Variants in ADRA1B observed in about 807,000 individuals in gnomAD.
ADRA1B encodes the protein adrenoceptor alpha 1B.
Under a neutral mutation model 17.9 loss-of-function variants are expected in ADRA1B, and 17 were observed. The ratio of observed to expected loss-of-function variants is 0.95; its 90% CI spans 0.65 to 1.42. The LOEUF is 1.42. ADRA1B is among the 40% of genes most tolerant of loss of function. The pLI is 0.00. For synonymous variants in ADRA1B, 366 were observed against 327.6 expected (o/e 1.12, Z -1.27); for missense variants, 681 against 722.1 (o/e 0.94, Z 0.65).
At chr5:159,932,536 C>G (rs1347775835) in intron 1 of ADRA1B, among the ~76,000 whole-genome samples, 1 of 152,146 alleles carries the variant, frequency 6.6e-6, no homozygotes, top group South Asian at 2.1e-4. Flanking sequence ...GTTATGTAAA[C>G]AAGCCATTTA....
chr5:159,917,416 G>T lies in ADRA1B; in HGVS notation c.511G>T (p.Val171Phe). The change falls in exon 1 of 2, where the codon GTC becomes TTC. Residue 171 changes from valine to phenylalanine, a missense_variant. This residue lies in a region of ADRA1B where 424 missense variants were observed against 480.2 expected (regional missense o/e 0.88). Transcript: ENST00000306675. The part of the protein sequence containing the change: ...KAILALLSVW[V>F]LSTVISIGPL... ...CATCTTGGCGCTGCTCAGTGTCTGGGTCTTGTCCACCGTCATCTCCATCGG... is the reference window on the plus strand; with the variant it reads ...CATCTTGGCGCTGCTCAGTGTCTGGTTCTTGTCCACCGTCATCTCCATCGG... The T allele has an allele frequency of 6.2e-7, 1 of 1,614,132 alleles. No homozygotes were observed. The highest frequency in any genetic ancestry group is 8.5e-7 in the Non-Finnish European group (1 of 1,180,040).
At chr5:159,898,731 C>T (rs2113115439) in intron 1 of ADRA1B, among the ~76,000 whole-genome samples, 1 of 152,244 alleles carries the variant, frequency 6.6e-6, no homozygotes, top group East Asian at 1.9e-4. Flanking sequence ...ATGTTGATAT[C>T]AATGAATAGA....
chr5:159,931,571 T>C (rs1754807252), intron 1 of ADRA1B, among the ~76,000 whole-genome samples: 1 of 152,068 alleles, frequency 6.6e-6, no homozygotes, highest in Admixed American at 6.6e-5. Context: ...CAGCAAAATA[T>C]AAAAAAGAAA....
intron 1 of ADRA1B, among the ~76,000 whole-genome samples, chr5:159,942,221 C>T (rs1322981583): frequency 6.6e-6 from 1 of 151,858 alleles, no homozygotes; most frequent in African/African-American, 2.4e-5. Context: ...CATGGCCGGC[C>T]GGGTACTGGG....
At chr5:159,917,996 C>A in intron 1 of ADRA1B, 142 bp downstream of exon 1, 1 of 827,502 alleles carries the variant, frequency 1.2e-6, no homozygotes, top group Non-Finnish European at 1.9e-6. Flanking sequence ...GTTTGTTCTG[C>A]AAAGGGTTTG....
chr5:159,960,664 C>A (rs1430943240), intron 1 of ADRA1B, among the ~76,000 whole-genome samples: 1 of 145,410 alleles, frequency 6.9e-6, no homozygotes, highest in Non-Finnish European at 1.5e-5. Context: ...GGCAACATAG[C>A]AAGTTCAGAT....
intron 1 of ADRA1B, among the ~76,000 whole-genome samples, chr5:159,954,041 C>G (rs1274215152): frequency 6.6e-6 from 1 of 152,118 alleles, no homozygotes; most frequent in Non-Finnish European, 1.5e-5. Context: ...AGAAAAGTGA[C>G]AAAAGACATT....
chr5:159,951,916 G>A (rs924180026), intron 1 of ADRA1B, among the ~76,000 whole-genome samples: 5 of 152,154 alleles, frequency 3.3e-5, no homozygotes, highest in Non-Finnish European at 7.3e-5. Context: ...AAGGATTTGT[G>A]AGTTAGGCAT....
intron 1 of ADRA1B, among the ~76,000 whole-genome samples, chr5:159,910,860 C>T (rs1190075289): frequency 1.3e-5 from 2 of 152,148 alleles, no homozygotes; most frequent in African/African-American, 4.8e-5. Flanking sequence ...CTGTAAGGAA[C>T]CTATTGCCAT....
At chr5:159,912,844 T>C (rs1341095215), upstream of ADRA1B, among the ~76,000 whole-genome samples, 2 of 152,244 alleles carry the variant, frequency 1.3e-5, no homozygotes, top group Non-Finnish European at 2.9e-5. Context: ...CTCTGAAAGG[T>C]GCTTTAGCAT....
intron 1 of ADRA1B, among the ~76,000 whole-genome samples, chr5:159,900,286 A>G (rs578017658): frequency 1.3e-5 from 2 of 152,356 alleles, no homozygotes; most frequent in Non-Finnish European, 2.9e-5. Flanking sequence ...GATATTTTCA[A>G]TGGAACAACA....
chr5:159,879,029 G>A (rs577841413), intron 1 of ADRA1B, among the ~76,000 whole-genome samples: 33 of 152,166 alleles, frequency 2.2e-4, no homozygotes, highest in African/African-American at 7.7e-4. Context: ...GAGGCAGGTC[G>A]GGTCTGCTAC....
chr5:159,931,080 C>T (rs1010541806), intron 1 of ADRA1B, among the ~76,000 whole-genome samples: 1 of 148,610 alleles, frequency 6.7e-6, no homozygotes, highest in African/African-American at 2.5e-5. Context: ...TTACCAGCCC[C>T]GGAACACTTA....
At chr5:159,901,226 A>G (rs1210811574) in intron 1 of ADRA1B, among the ~76,000 whole-genome samples, 1 of 151,560 alleles carries the variant, frequency 6.6e-6, no homozygotes, top group African/African-American at 2.4e-5. Flanking sequence ...ACCCAGAGAA[A>G]TCTCATTTTC....
intron 1 of ADRA1B, among the ~76,000 whole-genome samples, chr5:159,960,595 C>G (rs1261811603): frequency 6.6e-6 from 1 of 152,076 alleles, no homozygotes; most frequent in Non-Finnish European, 1.5e-5. Context: ...GTTCCAACTA[C>G]TCAGGAGGCT....
At chr5:159,884,252 A>T (rs1031438139) in intron 1 of ADRA1B, among the ~76,000 whole-genome samples, 1 of 152,226 alleles carries the variant, frequency 6.6e-6, no homozygotes, top group Admixed American at 6.5e-5. Flanking sequence ...GGGTTGTGTT[A>T]TGGCTTGAAA....
chr5:159,942,045 C>T (rs1259618600), intron 1 of ADRA1B, among the ~76,000 whole-genome samples: 2 of 151,668 alleles, frequency 1.3e-5, no homozygotes, highest in African/African-American at 4.8e-5. Context: ...GCCTCAGCCT[C>T]CCGAGTAGTT....
At chr5:159,912,763 G>A (rs1019919), upstream of ADRA1B, among the ~76,000 whole-genome samples, 7 of 152,162 alleles carry the variant, frequency 4.6e-5, no homozygotes, top group African/African-American at 9.6e-5. Context: ...GAATTCCTCC[G>A]TTGCATTGTT....
Position 159,972,051 on chromosome 5 carries a change from ACGCCGCCGCCGCCGT to A in ADRA1B, c.1127_1141del (p.Arg376_Arg380del). The A allele has an allele frequency of 7.4e-7, 1 of 1,348,956 alleles. No homozygotes were observed. The highest frequency in any genetic ancestry group is 9.5e-7 in the Non-Finnish European group (1 of 1,050,460). The allele number at this position is 1,348,956 out of a possible 1,614,324, so 83.6% of individuals were successfully genotyped here. ...AGTGCCGCGGCCGCGGCCGCCGCCG[ACGCCGCCGCCGCCGT>A]CGCCTGGGCGGCTGCGCCTACACCT... On this transcript the variant is annotated inframe_deletion, in exon 2 of 2. Transcript: ENST00000306675.
Sources: gnomAD v4.1 joint callset for allele counts (sites outside exome capture counted in the v4.1 genomes callset) on GRCh38, gnomAD v4.1.1 for gene constraint, gnomAD v4.1.1 regional missense constraint, MANE v1.5 for transcripts, NCBI Gene and HGNC (gene_info 2026-07-23, HGNC 2026-07-21) for gene names.